ACAP2: variants seen among roughly 807,000 people sequenced by gnomAD.
ACAP2 encodes the protein arf-GAP with coiled-coil, ANK repeat and PH domain-containing protein 2.
In ACAP2, 39 loss-of-function variants were observed where a neutral mutation model predicts 115.8. The observed-to-expected ratio is 0.34, with a 90% CI of 0.26 to 0.44. The LOEUF (loss-of-function observed/expected upper bound fraction) is 0.44. Ranked by LOEUF, ACAP2 falls within the 20% of genes least tolerant of loss-of-function variation. The pLI, the probability that ACAP2 is intolerant of heterozygous loss-of-function variation, is 1.00. For synonymous variants in ACAP2, 289 were observed against 315.8 expected (o/e 0.92, Z 0.90); for missense variants, 662 against 927.6 (o/e 0.71, Z 3.72).
rs545632544 is a variant in ACAP2 at position 195,379,695 on chromosome 3, T to C, written c.285+1314A>G. On this transcript the variant is annotated intron_variant, in intron 4 of 22. Coordinates refer to ENST00000326793, the MANE Select transcript of ACAP2 (RefSeq NM_012287.6). ...GGCACATACCTGTAGTCCTAGCCAATTGGGAGGCTACAGTAAGAGGATCAC... is the reference window on the plus strand; with the variant it reads ...GGCACATACCTGTAGTCCTAGCCAACTGGGAGGCTACAGTAAGAGGATCAC... 3.3e-5 allele frequency among the ~76,000 whole-genome samples: 5 copies of C among 152,270 alleles called. No homozygotes were observed. In the East Asian group the frequency reaches 9.7e-4, roughly 29 times the overall value.
chr3:195,346,953 T>C (rs1273068056), intron 4 of ACAP2, among the ~76,000 whole-genome samples: 2 of 152,058 alleles, frequency 1.3e-5, no homozygotes, highest in East Asian at 1.9e-4. Flanking sequence ...CGATTTCCAC[T>C]GATAGGAGGA....
chr3:195,425,332 C>T (rs1001855061), intron 1 of ACAP2, among the ~76,000 whole-genome samples: 17 of 152,056 alleles, frequency 1.1e-4, no homozygotes, highest in South Asian at 2.1e-4. Flanking sequence ...TATTACTTAT[C>T]GTTTTGCAAT....
At chr3:195,284,956 G>A (rs1726748121) in intron 22 of ACAP2, among the ~76,000 whole-genome samples, 4 of 152,168 alleles carry the variant, frequency 2.6e-5, no homozygotes, top group Admixed American at 2.0e-4. Flanking sequence ...AGAAGAATCT[G>A]ATACTTCTTC....
intron 4 of ACAP2, among the ~76,000 whole-genome samples, chr3:195,357,318 G>C (rs568821762): frequency 1.3e-5 from 2 of 152,092 alleles, no homozygotes; most frequent in African/African-American, 4.8e-5. Flanking sequence ...CAGTGCCAGG[G>C]AAATTTCTAA....
In ACAP2 at chr3:195,341,995, G is replaced by C. The variant is rs528436345; in HGVS notation, c.528+476C>G. On this transcript the variant is annotated intron_variant, in intron 6 of 22. Coordinates refer to ENST00000326793, the MANE Select transcript of ACAP2 (RefSeq NM_012287.6). ...ATGTGCACTGGAGACTCAGAAAGGG[G>C]GGAAGGTGGGAGGGAGGTGATGGAT... Among the ~76,000 whole-genome samples the C allele has an allele frequency of 2.4e-4, 37 of 152,052 alleles. 1 individual carries two copies. Among genetic ancestry groups the C allele is most frequent in the Non-Finnish European group, 4.9e-4 (33 of 68,012 alleles).
intron 4 of ACAP2, among the ~76,000 whole-genome samples, chr3:195,378,869 A>T (rs1733759107): frequency 6.6e-6 from 1 of 152,024 alleles, no homozygotes; most frequent in Non-Finnish European, 1.5e-5. Flanking sequence ...TCCAAAAAAA[A>T]AAAAAAAATT....
At chr3:195,299,816 C>T (rs1028411503) in intron 15 of ACAP2, among the ~76,000 whole-genome samples, 4 of 151,516 alleles carry the variant, frequency 2.6e-5, no homozygotes, top group African/African-American at 4.9e-5. Context: ...CCAGCTTGGG[C>T]GACACAGCGA....
rs1726271828 is a variant in ACAP2 at position 195,278,414 on chromosome 3, T to G, written c.*914A>C. On this transcript the variant is annotated 3_prime_UTR_variant, in exon 23 of 23. Coordinates refer to ENST00000326793, the MANE Select transcript of ACAP2 (RefSeq NM_012287.6). ...ACTAGGAGCAACAGCAAAACTATCT[T>G]TAAAAGGACAAATTTCAAATATAAA... 6.6e-6 allele frequency: 1 copy of G among 152,172 alleles called. No individual in the cohort carries two copies. The highest frequency in any genetic ancestry group is 1.5e-5 in the Non-Finnish European group (1 of 68,030). 9.4% of individuals were successfully genotyped at this position (152,172 alleles called of 1,614,324 possible).
chr3:195,333,835 A>T (rs1730328577), intron 7 of ACAP2, among the ~76,000 whole-genome samples: 2 of 152,222 alleles, frequency 1.3e-5, no homozygotes, highest in African/African-American at 4.8e-5. Context: ...ATAAAACACA[A>T]ACGCTTTACA....
intron 6 of ACAP2, among the ~76,000 whole-genome samples, chr3:195,340,816 T>C (rs774725694): frequency 6.6e-6 from 1 of 152,112 alleles, no homozygotes; most frequent in Non-Finnish European, 1.5e-5. Context: ...TAATGTGAGG[T>C]AGGTAACAGG....
At chr3:195,395,930 T>C (rs989667690) in intron 1 of ACAP2, among the ~76,000 whole-genome samples, 2 of 152,126 alleles carry the variant, frequency 1.3e-5, no homozygotes, top group Non-Finnish European at 1.5e-5. Flanking sequence ...TTATTATCAA[T>C]TGAAAAATAG....
rs114931557 is a variant in ACAP2, at chr3:195,346,446, T to A, written c.286-1129A>T. ...ATCTTTATCATTGATTGTATATATA[T>A]TAAAAAGGTAATCTGTGAAGCTAAG... On this transcript the variant is annotated intron_variant, in intron 4 of 22. Coordinates refer to ENST00000326793, the MANE Select transcript of ACAP2 (RefSeq NM_012287.6). Among the ~76,000 whole-genome samples the A allele has an allele frequency of 1.8e-3, 269 of 152,208 alleles. 1 individual carries two copies. The highest frequency in any genetic ancestry group is 6.2e-3 in the African/African-American group (256 of 41,536).
chr3:195,421,888 T>C (rs990934675), intron 1 of ACAP2, among the ~76,000 whole-genome samples: 4 of 152,342 alleles, frequency 2.6e-5, no homozygotes, highest in South Asian at 2.1e-4. Context: ...AGTAAGTTAT[T>C]CTTGCTATGA....
rs561964230 is a variant in ACAP2, at chr3:195,304,007, A to C, written c.1117-1833T>G. Among the ~76,000 whole-genome samples the C allele has an allele frequency of 3.3e-5, 5 of 150,924 alleles. No individual in the cohort carries two copies. In the East Asian group the frequency reaches 5.8e-4, roughly 18 times the overall value. On this transcript the variant is annotated intron_variant, in intron 13 of 22. Coordinates refer to ENST00000326793, the MANE Select transcript of ACAP2 (RefSeq NM_012287.6). ...AAACCCTGTCTCTACTAAAAATACAAAAAAAAATTAGCCGGGCATGGTGGT... is the reference window on the plus strand; with the variant it reads ...AAACCCTGTCTCTACTAAAAATACACAAAAAAATTAGCCGGGCATGGTGGT...
At chr3:195,412,555 T>C (rs1317923049) in intron 1 of ACAP2, among the ~76,000 whole-genome samples, 2 of 151,924 alleles carry the variant, frequency 1.3e-5, no homozygotes, top group African/African-American at 4.8e-5. Context: ...GAGGTTGCAA[T>C]GAGCTGAGAT....
chr3:195,438,680 G>T (rs1715769945), intron 1 of ACAP2, among the ~76,000 whole-genome samples: 2 of 152,074 alleles, frequency 1.3e-5, no homozygotes, highest in Non-Finnish European at 2.9e-5. Context: ...AGAACAGCCT[G>T]GATAACAAGT....
chr3:195,341,534 C>T (rs1459962821), intron 6 of ACAP2, among the ~76,000 whole-genome samples: 1 of 151,978 alleles, frequency 6.6e-6, no homozygotes, highest in Non-Finnish European at 1.5e-5. Flanking sequence ...CCGTGTTAGC[C>T]AGGATGGTCT....
At chr3:195,338,747 TTATC>T (rs750224859) in intron 6 of ACAP2, among the ~76,000 whole-genome samples, 1 of 152,226 alleles carries the variant, frequency 6.6e-6, no homozygotes, top group Non-Finnish European at 1.5e-5. Context: ...TTGTCTGTTA[TTATC>T]TATCAGCTTA....
rs3836379 is a variant in ACAP2, at chr3:195,297,290, CA to C, written c.1396-10del. ...CCCAACTCACACATAAGCTGTTTGG[CA>C]AAAAAAAATAGAAAAATAAGCTATA... On this transcript the variant is annotated splice_polypyrimidine_tract_variant and intron_variant, in intron 15 of 22. Coordinates refer to ENST00000326793, the MANE Select transcript of ACAP2 (RefSeq NM_012287.6). 38,248 of 1,539,644 alleles carry C rather than the reference CA, an allele frequency of 0.025. 1,248 individuals carry two copies. The highest frequency in any genetic ancestry group is 0.1 in the Admixed American group (5,591 of 53,382).
Sources: gnomAD v4.1 joint callset for allele counts (sites outside exome capture counted in the v4.1 genomes callset) on GRCh38, gnomAD v4.1.1 for gene constraint, MANE v1.5 for transcripts, NCBI Gene and HGNC (gene_info 2026-07-23, HGNC 2026-07-21) for gene names.